ATMIN: variants seen among roughly 807,000 people sequenced by gnomAD.
ATMIN encodes ATM INteracting protein.
In ATMIN, 24 loss-of-function variants were observed where a neutral mutation model predicts 49.2. The ratio of observed to expected loss-of-function variants is 0.49; its 90% CI spans 0.35 to 0.69. The LOEUF (loss-of-function observed/expected upper bound fraction) is 0.69. Among genes scored for constraint, ATMIN ranks in the 30% least tolerant of loss-of-function variants. The pLI, the probability that ATMIN is intolerant of heterozygous loss-of-function variation, is 0.00. For missense variants in ATMIN, 1,037 were observed against 1,005.5 expected (o/e 1.03, Z -0.42); for synonymous variants, 450 against 392.5 (o/e 1.15, Z -1.73).
intron 3 of ATMIN, 55 bp downstream of exon 3, chr16:81,042,535 A>G (rs1971052557): frequency 1.3e-6 from 2 of 1,559,360 alleles, no homozygotes; most frequent in African/African-American, 1.4e-5. Flanking sequence ...AGCATTTCAG[A>G]TGAAACATCC....
rs1406555737 is a variant in ATMIN, at chr16:81,045,715, C to T, written c.*745C>T. The T allele has an allele frequency of 6.6e-6, 1 of 152,226 alleles. No individual in the cohort carries two copies. The highest frequency in any genetic ancestry group is 2.4e-5 in the African/African-American group (1 of 41,410). 9.4% of individuals were successfully genotyped at this position (152,226 alleles called of 1,614,324 possible). ...GCAGCGGGCCAGGTGTGGTGGCTTACCCCTGTAATCCCAGCACTTTGGGAG... is the reference window on the plus strand; with the variant it reads ...GCAGCGGGCCAGGTGTGGTGGCTTATCCCTGTAATCCCAGCACTTTGGGAG... On this transcript the variant is annotated 3_prime_UTR_variant, in exon 4 of 4. Transcript: ENST00000299575.
rs757259114 is a variant in ATMIN at position 81,043,812 on chromosome 16, G to T, written c.1314G>T (p.Ser438=). ...AQWATADSSV[S]SCSQTDLSFD... Reference sequence around the variant, plus strand: ...GGGCCACTGCTGATTCCTCTGTGTCGTCTTGTTCTCAAACTGATTTGTCGT... The same window carrying T: ...GGGCCACTGCTGATTCCTCTGTGTCTTCTTGTTCTCAAACTGATTTGTCGT... Residue 438 remains serine, a synonymous_variant, in exon 4 of 4, where the codon TCG becomes TCT. Coordinates refer to ENST00000299575, the MANE Select transcript of ATMIN (RefSeq NM_015251.3). The T allele has an allele frequency of 3.1e-6, 5 of 1,614,138 alleles. No individual in the cohort carries two copies. Among genetic ancestry groups the T allele is most frequent in the Admixed American group, 3.3e-5 (2 of 60,028 alleles).
intron 1 of ATMIN, 101 bp downstream of exon 1, chr16:81,036,307 CG>C: frequency 9.6e-7 from 1 of 1,039,026 alleles, no homozygotes; most frequent in Non-Finnish European, 1.2e-6. Flanking sequence ...GAGCGCCCTG[CG>C]CGCTGCCGCT....
At position 81,044,740 on chromosome 16, in the gene ATMIN, G is replaced by A; in HGVS notation, c.2242G>A (p.Ala748Thr). Residue 748 changes from alanine (A) to threonine (T), a missense_variant, in exon 4 of 4, where the codon GCT becomes ACT. Ala to Thr is a moderately conservative substitution (Grantham distance 58, BLOSUM62 0). Transcript: ENST00000299575. ...TETQTEGVST[A>T]KNIPALESKV... Reference sequence around the variant, plus strand: ...GACCCAAACTGAAGGAGTCTCCACTGCTAAAAATATACCTGCTCTAGAAAG... The same window carrying A: ...GACCCAAACTGAAGGAGTCTCCACTACTAAAAATATACCTGCTCTAGAAAG... 3 of 1,614,190 alleles carry A rather than the reference G, an allele frequency of 1.9e-6. No individual in the cohort carries two copies. Among genetic ancestry groups the A allele is most frequent in the African/African-American group, 1.3e-5 (1 of 75,046 alleles).
rs1365255768 is a variant in ATMIN at position 81,044,067 on chromosome 16, A to G, written c.1569A>G (p.Ser523=). 5 of 1,614,224 alleles carry G rather than the reference A, an allele frequency of 3.1e-6. No individual in the cohort carries two copies. Among genetic ancestry groups the G allele is most frequent in the South Asian group, 1.1e-5 (1 of 91,088 alleles). The part of the protein sequence containing the change: ...MCGDIFESVH[S]SYNVATGNII... ...GAGACATTTTTGAGAGTGTTCATTCATCATATAATGTTGCTACAGGTAACA... is the reference window on the plus strand; with the variant it reads ...GAGACATTTTTGAGAGTGTTCATTCGTCATATAATGTTGCTACAGGTAACA... The change falls in exon 4 of 4, where the codon TCA becomes TCG. Residue 523 remains serine, a synonymous_variant. Transcript: ENST00000299575.
chr16:81,044,820 C>G lies in ATMIN; in HGVS notation c.2322C>G (p.Thr774=), dbSNP rs1188200620. 2 of 1,614,114 alleles carry G rather than the reference C, an allele frequency of 1.2e-6. No homozygotes were observed. Among genetic ancestry groups the G allele is most frequent in the South Asian group, 2.2e-5 (2 of 91,078 alleles). Residue 774 remains threonine (T), a synonymous_variant, in exon 4 of 4, where the codon ACC becomes ACG. Coordinates refer to ENST00000299575, the MANE Select transcript of ATMIN (RefSeq NM_015251.3). ...AGACCATGAGTTCTGGGTTTGAAAC[C>G]CTGGGGAGCTTGTTCTTCACCAGCA... ...ETQTMSSGFE[T]LGSLFFTSNE...
At chr16:81,041,625 G>A in intron 2 of ATMIN, 144 bp downstream of exon 2, 1 of 1,047,918 alleles carries the variant, frequency 9.5e-7, no homozygotes, top group African/African-American at 1.6e-5. Flanking sequence ...ATAAACCTGA[G>A]TATGCTGTTA....
intron 2 of ATMIN, 84 bp downstream of exon 2, chr16:81,041,565 G>T: frequency 6.6e-7 from 1 of 1,506,158 alleles, no homozygotes; most frequent in South Asian, 1.3e-5. Context: ...CTACAGAATT[G>T]AGTAGACAGC....
intron 2 of ATMIN, chr16:81,041,739 G>A: frequency 3.0e-6 from 1 of 333,110 alleles, no homozygotes; most frequent in South Asian, 6.0e-5. Context: ...ATGAGAAAAT[G>A]TTTGCTCGCA....
chr16:81,037,477 T>G, intron 1 of ATMIN: 1 of 985,458 alleles, frequency 1.0e-6, no homozygotes, highest in Admixed American at 6.1e-5. Flanking sequence ...GTACCTGAGG[T>G]ATGCTGAGGA....
intron 2 of ATMIN, 70 bp downstream of exon 2, chr16:81,041,551 ATAAC>A: frequency 1.3e-6 from 2 of 1,541,692 alleles, no homozygotes; most frequent in Middle Eastern, 1.7e-4. Context: ...CTTAGCAGAC[ATAAC>A]TACAGAATTG....
In ATMIN at chr16:81,035,870, C is replaced by A; in HGVS notation, c.-1C>A. ...CTGGGCCGGGCGGCCGTGCGGGAGCCATGGCGGCCTCGGAGGCGGCGGCGG... is the reference window on the plus strand; with the variant it reads ...CTGGGCCGGGCGGCCGTGCGGGAGCAATGGCGGCCTCGGAGGCGGCGGCGG... On this transcript the variant is annotated 5_prime_UTR_variant, in exon 1 of 4. Coordinates refer to ENST00000299575, the MANE Select transcript of ATMIN (RefSeq NM_015251.3). 1.1e-6 allele frequency: 1 copy of A among 900,234 alleles called. No homozygotes were observed. Among genetic ancestry groups the A allele is most frequent in the African/African-American group, 1.8e-5 (1 of 54,970 alleles). The allele number at this position is 900,234 out of a possible 1,614,324, so 55.8% of individuals were successfully genotyped here.
chr16:81,036,981 G>C (rs1206664245), intron 1 of ATMIN, among the ~76,000 whole-genome samples: 1 of 152,192 alleles, frequency 6.6e-6, no homozygotes, highest in African/African-American at 2.4e-5. Context: ...TGCCCCTGTG[G>C]CTCTTCTTTA....
In ATMIN at chr16:81,042,434, C is replaced by T; in HGVS notation, c.616C>T (p.Gln206Ter). 6.2e-7 allele frequency: 1 copy of T among 1,614,160 alleles called. No individual in the cohort carries two copies. The highest frequency in any genetic ancestry group is 8.5e-7 in the Non-Finnish European group (1 of 1,180,040). Reference sequence around the variant, plus strand: ...TCCCTACGCCAGTAGAACAGCACTGCAGTCTCACATCTACCGAACTGGGCA... The same window carrying T: ...TCCCTACGCCAGTAGAACAGCACTGTAGTCTCACATCTACCGAACTGGGCA... ...GCPYASRTAL[Q>*]SHIYRTGHEI... The change falls in exon 3 of 4, where the codon CAG becomes TAG. Residue 206 changes from glutamine (Q) to a stop codon, truncating the protein, a stop_gained. Coordinates refer to ENST00000299575, the MANE Select transcript of ATMIN (RefSeq NM_015251.3). LOFTEE classifies it low-confidence loss of function (END_TRUNC).
rs1555524315 is a variant in ATMIN at position 81,036,103 on chromosome 16, G to T, written c.233G>T (p.Arg78Leu). The T allele has an allele frequency of 1.4e-6, 2 of 1,422,558 alleles. No individual in the cohort carries two copies. Among genetic ancestry groups the T allele is most frequent in the South Asian group, 1.4e-5 (1 of 71,006 alleles). 88.1% of individuals were successfully genotyped at this position (1,422,558 alleles called of 1,614,324 possible). Reference sequence around the variant, plus strand: ...CAGCCGTCGGTGAGCGAGCTGTCCCGGGCCGTGCGGACCAACATCCTGTGC... The same window carrying T: ...CAGCCGTCGGTGAGCGAGCTGTCCCTGGCCGTGCGGACCAACATCCTGTGC... ...LIQPSVSELSRAVRTNILCTV... is the reference protein window; with the variant it reads ...LIQPSVSELSLAVRTNILCTV... Residue 78 changes from arginine (R) to leucine (L), a missense_variant, in exon 1 of 4, where the codon CGG becomes CTG. Arg to Leu is a moderately radical substitution (Grantham distance 102). Transcript: ENST00000299575.
At position 81,044,717 on chromosome 16, in the gene ATMIN, C is replaced by G. The variant is rs760324208; in HGVS notation, c.2219C>G (p.Thr740Ser). ...AGTACTGATTCATCTGACACAGAGACCCAAACTGAAGGAGTCTCCACTGCT... is the reference window on the plus strand; with the variant it reads ...AGTACTGATTCATCTGACACAGAGAGCCAAACTGAAGGAGTCTCCACTGCT... Reference protein sequence around the residue: ...SVSTDSSDTETQTEGVSTAKN... With the variant: ...SVSTDSSDTESQTEGVSTAKN... The change falls in exon 4 of 4, where the codon ACC (threonine) becomes AGC (serine). Residue 740 changes from threonine to serine, a missense_variant. Physicochemically the swap from Thr to Ser is moderately conservative, Grantham distance 58. Transcript: ENST00000299575. 5.6e-6 allele frequency: 9 copies of G among 1,614,174 alleles called. No homozygotes were observed. The South Asian group carries it at 8.8e-5, about 16-fold the overall frequency.
At position 81,043,330 on chromosome 16, in the gene ATMIN, A is replaced by G. The variant is rs1358316648; in HGVS notation, c.832A>G (p.Asn278Asp). ...ATCTTTTGAAGACTCTTGTGGCTCT[A>G]ACACTGACAAGCAGACTCTTACAAC... ...EPSFEDSCGSNTDKQTLTTPP... is the reference protein window; with the variant it reads ...EPSFEDSCGSDTDKQTLTTPP... Residue 278 changes from asparagine (N) to aspartate (D), a missense_variant, in exon 4 of 4, where the codon AAC becomes GAC. Asn to Asp is a conservative substitution (Grantham distance 23). Coordinates refer to ENST00000299575, the MANE Select transcript of ATMIN (RefSeq NM_015251.3). The G allele has an allele frequency of 2.5e-6, 4 of 1,614,068 alleles. No homozygotes were observed. The highest frequency in any genetic ancestry group is 1.1e-5 in the South Asian group (1 of 91,076).
Position 81,036,203 on chromosome 16 carries a change from G to A in ATMIN, c.333G>A (p.Leu111=). 1 of 1,441,084 alleles carries A rather than the reference G, an allele frequency of 6.9e-7. No individual in the cohort carries two copies. The highest frequency in any genetic ancestry group is 9.2e-7 in the Non-Finnish European group (1 of 1,089,052). The allele number at this position is 1,441,084 out of a possible 1,614,324, so 89.3% of individuals were successfully genotyped here. ...TGCACCTAGTCAAGAGCCACCGCCT[G>A]CAGGTGAGCCCGACGCGGCCGGCGG... ...LNMHLVKSHR[L]QDGIVNPTIR... The change falls in exon 1 of 4, where the codon CTG becomes CTA. Residue 111 remains leucine, a synonymous_variant. Transcript: ENST00000299575.
rs974261809 is a variant in ATMIN, at chr16:81,037,566, G to C, written c.336+1360G>C. The stretch of plus-strand genomic sequence containing the variant: ...AGCACTCAAGTGTAACTCTGGGAAT[G>C]GCTTTCAACCTGTTGTTTTGTTTTC... On this transcript the variant is annotated intron_variant, in intron 1 of 3. Transcript: ENST00000299575. 14 of 867,390 alleles carry C rather than the reference G, an allele frequency of 1.6e-5. No individual in the cohort carries two copies. In the African/African-American group the frequency reaches 2.4e-4, roughly 15 times the overall value. 53.7% of individuals were successfully genotyped at this position (867,390 alleles called of 1,614,324 possible).
Sources: gnomAD v4.1 joint callset for allele counts (sites outside exome capture counted in the v4.1 genomes callset) on GRCh38, gnomAD v4.1.1 for gene constraint, MANE v1.5 for transcripts, NCBI Gene and HGNC (gene_info 2026-07-23, HGNC 2026-07-21) for gene names.